The following SGCD variants were observed in gnomAD, a reference collection of about 807,000 sequenced individuals.
SGCD encodes the protein delta-sarcoglycan.
In SGCD, 18 loss-of-function variants were observed where a neutral mutation model predicts 36.6. That is an observed-to-expected ratio of 0.49 (90% confidence interval 0.34 to 0.73). The LOEUF is 0.73. SGCD is among the 30% of genes least tolerant of loss of function. The probability of loss-of-function intolerance (pLI) is 0.01; values close to 1 mark genes in which losing one functional copy is unlikely to be tolerated. For synonymous variants in SGCD, 133 were observed against 130.6 expected (o/e 1.02, Z -0.12); for missense variants, 387 against 346.7 (o/e 1.12, Z -0.92).
rs141033000 is a variant in SGCD, at chr5:156,633,487, C to G, written c.503-13977C>G. On this transcript the variant is annotated intron_variant, in intron 6 of 8. Transcript: ENST00000337851. ...GTTTAGCGGGGAGTTAAGAACATGG[C>G]CTCTGCAGCTAGATTTGCCTGTGTT... 4.6e-5 allele frequency among the ~76,000 whole-genome samples: 7 copies of G among 152,260 alleles called. No individual in the cohort carries two copies. The East Asian group carries it at 1.3e-3, about 29-fold the overall frequency.
intron 3 of SGCD, among the ~76,000 whole-genome samples, chr5:156,320,097 ATG>A (rs10535885): frequency 0.53 from 77,887 of 145,836 alleles, 20,672 homozygotes; most frequent in East Asian, 0.7. Context: ...AGCCTTTGAT[ATG>A]TGTGTGTGTG....
At chr5:156,354,392 G>A (rs1176366190) in intron 3 of SGCD, among the ~76,000 whole-genome samples, 1 of 152,060 alleles carries the variant, frequency 6.6e-6, no homozygotes, top group Non-Finnish European at 1.5e-5. Flanking sequence ...GATGGGGAAA[G>A]ATGAGAATAG....
the SGCD span, among the ~76,000 whole-genome samples, chr5:155,751,072 G>A: frequency 6.6e-6 from 1 of 152,108 alleles, no homozygotes; most frequent in Non-Finnish European, 1.5e-5. Context: ...GTGATTCTTT[G>A]ACTGTTTTAT....
chr5:155,748,361 A>G, the SGCD span, among the ~76,000 whole-genome samples: 3 of 152,078 alleles, frequency 2.0e-5, no homozygotes, highest in South Asian at 2.1e-4. Flanking sequence ...GATAATTTAT[A>G]TAATATCCTG....
chr5:155,896,735 C>G lies in SGCD; in HGVS notation c.-282+26311C>G, dbSNP rs116758850. ...AAGTCAGTCATTTTCAAAATGTGCTCTCTGGCTCTCAAGGTTCTGCAGAGT... is the reference window on the plus strand; with the variant it reads ...AAGTCAGTCATTTTCAAAATGTGCTGTCTGGCTCTCAAGGTTCTGCAGAGT... On this transcript the variant is annotated intron_variant, in intron 1 of 9. Transcript: ENST00000517913. Among the ~76,000 whole-genome samples, 363 of 152,216 alleles carry G rather than the reference C, an allele frequency of 2.4e-3. 4 individuals carry two copies. Among genetic ancestry groups the G allele is most frequent in the African/African-American group, 8.4e-3 (348 of 41,542 alleles).
chr5:156,501,477 G>A (rs1756451722), intron 3 of SGCD, among the ~76,000 whole-genome samples: 2 of 152,110 alleles, frequency 1.3e-5, no homozygotes. Flanking sequence ...TCTTTATTCT[G>A]TACTCATCTT....
the SGCD span, among the ~76,000 whole-genome samples, chr5:155,797,017 C>G: frequency 4.6e-5 from 7 of 151,846 alleles, no homozygotes; most frequent in African/African-American, 1.7e-4. Context: ...AATAGCAAAA[C>G]TAATCAAGGA....
intron 7 of SGCD, among the ~76,000 whole-genome samples, chr5:156,707,260 TAGAAATC>T (rs1754783721): frequency 6.6e-6 from 1 of 152,186 alleles, no homozygotes; most frequent in Non-Finnish European, 1.5e-5. Context: ...TAGTACATAT[TAGAAATC>T]TATGCCAACC....
chr5:156,239,010 G>A (rs249891), intron 3 of SGCD, among the ~76,000 whole-genome samples: 92,197 of 151,952 alleles, frequency 0.61, 28,156 homozygotes, highest in East Asian at 0.69. Context: ...CAGCACTGTG[G>A]AAAAGTGGGG....
chr5:156,193,826 C>G (rs933312306), intron 3 of SGCD, among the ~76,000 whole-genome samples: 1 of 152,090 alleles, frequency 6.6e-6, no homozygotes, highest in African/African-American at 2.4e-5. Flanking sequence ...TTTTCAAGTT[C>G]GCAAACAGGT....
At chr5:156,626,500 A>G (rs148421624) in intron 6 of SGCD, among the ~76,000 whole-genome samples, 26 of 152,308 alleles carry the variant, frequency 1.7e-4, no homozygotes, top group African/African-American at 6.3e-4. Flanking sequence ...GGAAGACAGA[A>G]GTGATGTGCA....
intron 3 of SGCD, among the ~76,000 whole-genome samples, chr5:156,128,770 A>C (rs1762241413): frequency 6.6e-6 from 1 of 152,134 alleles, no homozygotes; most frequent in African/African-American, 2.4e-5. Context: ...CCATGATTGT[A>C]AGTTTCCAGA....
At chr5:156,477,290 A>G (rs75514942) in intron 3 of SGCD, among the ~76,000 whole-genome samples, 3,122 of 152,298 alleles carry the variant, frequency 0.02, 35 homozygotes, top group Non-Finnish European at 0.032. Context: ...GAGACTCACA[A>G]GATGCAACCA....
intron 1 of SGCD, among the ~76,000 whole-genome samples, chr5:155,940,412 T>G (rs1757298049): frequency 6.6e-6 from 1 of 152,220 alleles, no homozygotes; most frequent in Non-Finnish European, 1.5e-5. Context: ...ATTCTAGATG[T>G]GTGAGCCTGG....
intron 7 of SGCD, among the ~76,000 whole-genome samples, chr5:156,650,051 G>C (rs545442994): frequency 6.6e-6 from 1 of 152,088 alleles, no homozygotes; most frequent in South Asian, 2.1e-4. Context: ...GAAACAAAAA[G>C]ACAACTCTCC....
chr5:156,470,349 T>G (rs1461638662), intron 3 of SGCD, among the ~76,000 whole-genome samples: 3 of 149,012 alleles, frequency 2.0e-5, no homozygotes, highest in African/African-American at 4.9e-5. Flanking sequence ...ATGTTTTGAG[T>G]TTTTTTTTTA....
intron 3 of SGCD, among the ~76,000 whole-genome samples, chr5:156,474,896 A>T (rs1375448785): frequency 6.6e-6 from 1 of 152,202 alleles, no homozygotes; most frequent in Admixed American, 6.5e-5. Context: ...ATAAACTGCT[A>T]TAAGCCTTGG....
At chr5:156,676,190 G>A (rs1468346234) in intron 7 of SGCD, among the ~76,000 whole-genome samples, 1 of 152,220 alleles carries the variant, frequency 6.6e-6, no homozygotes. Flanking sequence ...GTTATATTGT[G>A]TTCTTTACCC....
At chr5:156,341,247 C>A (rs1301068539) in intron 2 of SGCD, among the ~76,000 whole-genome samples, 2 of 152,180 alleles carry the variant, frequency 1.3e-5, no homozygotes, top group African/African-American at 4.8e-5. Context: ...TTCCCAGGAG[C>A]AAAGGATTCT....
Sources: allele counts gnomAD v4.1 joint callset (sites outside exome capture counted in the v4.1 genomes callset), GRCh38; gene constraint gnomAD v4.1.1; transcripts MANE v1.5; gene names NCBI Gene and HGNC (gene_info 2026-07-23, HGNC 2026-07-21).